KCNT2: variants seen among roughly 807,000 people sequenced by gnomAD.
The protein encoded by KCNT2 is potassium channel subfamily T member 2.
KCNT2 carries 67 observed loss-of-function variants against 153.8 expected under a neutral mutation model. The observed-to-expected ratio is 0.44, with a 90% CI of 0.36 to 0.53. The LOEUF (loss-of-function observed/expected upper bound fraction) is 0.53. Among genes scored for constraint, KCNT2 ranks in the 20% least tolerant of loss-of-function variants. The pLI is 0.00. For missense variants in KCNT2, 975 were observed against 1,354.8 expected, an observed-to-expected ratio of 0.72 and a Z score of 4.40; for synonymous variants, 500 against 458.8, an observed-to-expected ratio of 1.09 and a Z score of -1.15.
intron 17 of KCNT2, among the ~76,000 whole-genome samples, chr1:196,331,571 A>G (rs1178642033): frequency 1.3e-5 from 2 of 152,082 alleles, no homozygotes; most frequent in African/African-American, 4.8e-5. Flanking sequence ...AAGCTTTATT[A>G]TAATTCAGCC....
At chr1:196,525,444 C>T (rs1654046142) in intron 1 of KCNT2, among the ~76,000 whole-genome samples, 1 of 152,092 alleles carries the variant, frequency 6.6e-6, no homozygotes, top group Non-Finnish European at 1.5e-5. Context: ...TTACTAAGTG[C>T]AAGAAGGCTG....
At chr1:196,605,821 G>A (rs578101037) in intron 1 of KCNT2, among the ~76,000 whole-genome samples, 4 of 152,268 alleles carry the variant, frequency 2.6e-5, no homozygotes, top group South Asian at 2.1e-4. Flanking sequence ...CAAATCAGAA[G>A]TGAAGAAGGG....
At chr1:196,313,470 C>T (rs1662392137) in intron 21 of KCNT2, among the ~76,000 whole-genome samples, 1 of 151,410 alleles carries the variant, frequency 6.6e-6, no homozygotes, top group South Asian at 2.1e-4. Context: ...ACTAAAATCT[C>T]CAAGGAATGC....
Position 196,326,840 on chromosome 1 carries a change from T to G in KCNT2, c.2153A>C (p.Asn718Thr). ...YEDAKAYGFK[N>T]KLIIVAAETA... ...TTCAGCTGCAACTATAATTAGTTTA[T>G]TTTTGAATCCATAGGCTTTTGCATC... Residue 718 changes from asparagine to threonine, a missense_variant, in exon 19 of 28, where the codon AAT (asparagine) becomes ACT (threonine). Physicochemically the swap from Asn to Thr is moderately conservative, Grantham distance 65. Coordinates refer to ENST00000294725, the MANE Select transcript of KCNT2 (RefSeq NM_198503.5). 6.3e-7 allele frequency: 1 copy of G among 1,587,784 alleles called. No homozygotes were observed. Among genetic ancestry groups the G allele is most frequent in the Non-Finnish European group, 8.5e-7 (1 of 1,171,200 alleles).
chr1:196,295,728 C>A lies in KCNT2; in HGVS notation c.2595+9506G>T, dbSNP rs910341666. Among the ~76,000 whole-genome samples, 7 of 151,912 alleles carry A rather than the reference C, an allele frequency of 4.6e-5. No individual in the cohort carries two copies. The South Asian group carries it at 1.5e-3, about 32-fold the overall frequency. On this transcript the variant is annotated intron_variant, in intron 22 of 27. Coordinates refer to ENST00000294725, the MANE Select transcript of KCNT2 (RefSeq NM_198503.5). ...TTTATTGAGCATACAAACCATCATT[C>A]AAGATATTAGTTTTAAGTTAGGAAG...
chr1:196,598,344 TA>T (rs1223749077), intron 1 of KCNT2, among the ~76,000 whole-genome samples: 1 of 152,172 alleles, frequency 6.6e-6, no homozygotes, highest in Non-Finnish European at 1.5e-5. Flanking sequence ...AATCAATCAA[TA>T]ATAATCTATA....
intron 1 of KCNT2, among the ~76,000 whole-genome samples, chr1:196,506,459 A>G (rs1360510116): frequency 1.3e-5 from 2 of 152,192 alleles, no homozygotes; most frequent in East Asian, 3.9e-4. Flanking sequence ...ATATAATACA[A>G]TAAAGAACTT....
chr1:196,399,095 GTA>G (rs1487121283), intron 12 of KCNT2, among the ~76,000 whole-genome samples: 4 of 94,230 alleles, frequency 4.2e-5, no homozygotes, highest in Non-Finnish European at 5.1e-5. Flanking sequence ...TGACCTGTGT[GTA>G]TGTGTGTGTG....
At chr1:196,521,008 G>C (rs1351527023) in intron 1 of KCNT2, among the ~76,000 whole-genome samples, 1 of 152,102 alleles carries the variant, frequency 6.6e-6, no homozygotes, top group African/African-American at 2.4e-5. Context: ...AGAGTAAACA[G>C]ACATTCTACA....
At chr1:196,579,693 A>C (rs182327161) in intron 1 of KCNT2, among the ~76,000 whole-genome samples, 1 of 152,104 alleles carries the variant, frequency 6.6e-6, no homozygotes, top group East Asian at 1.9e-4. Flanking sequence ...GGGTTTCAAC[A>C]TGTTGGCCAG....
Position 196,479,165 on chromosome 1 carries a change from TTAAAA to T in KCNT2, c.384+9_384+13del, listed in dbSNP as rs768823574. The T allele has an allele frequency of 8.9e-6, 13 of 1,466,828 alleles. No homozygotes were observed. The highest frequency in any genetic ancestry group is 9.5e-6 in the Non-Finnish European group (10 of 1,050,374). 90.9% of individuals were successfully genotyped at this position (1,466,828 alleles called of 1,614,324 possible). ...TGTTCTATCAGCGGGAAACTGCTAA[TTAAAA>T]TAACTTACCTTATAACTAAGATAAC... On this transcript the variant is annotated intron_variant, in intron 5 of 27. Coordinates refer to ENST00000294725, the MANE Select transcript of KCNT2 (RefSeq NM_198503.5).
chr1:196,536,105 C>A (rs995598503), intron 1 of KCNT2, among the ~76,000 whole-genome samples: 4 of 152,202 alleles, frequency 2.6e-5, no homozygotes, highest in Non-Finnish European at 5.9e-5. Flanking sequence ...TGGCAGGCAA[C>A]CACTCCACAT....
intron 8 of KCNT2, among the ~76,000 whole-genome samples, chr1:196,435,808 C>CA (rs1415355315): frequency 1.3e-5 from 2 of 151,596 alleles, no homozygotes; most frequent in Admixed American, 1.3e-4. Flanking sequence ...ATCTGGACTC[C>CA]ATTGTCACTT....
chr1:196,366,988 C>A lies in KCNT2; in HGVS notation c.1403+6152G>T, dbSNP rs181183233. Among the ~76,000 whole-genome samples the A allele has an allele frequency of 2.9e-3, 444 of 152,162 alleles. 1 individual carries two copies. Among genetic ancestry groups the A allele is most frequent in the African/African-American group, 9.8e-3 (406 of 41,534 alleles). ...TGGGTTTGGCAGTTAATGAGTCAAC[C>A]ATTTCTGTCTGCCAAAACCAGTGTT... On this transcript the variant is annotated intron_variant, in intron 14 of 27. Coordinates refer to ENST00000294725, the MANE Select transcript of KCNT2 (RefSeq NM_198503.5).
At chr1:196,324,423 T>C (rs1663642581) in intron 19 of KCNT2, among the ~76,000 whole-genome samples, 2 of 152,020 alleles carry the variant, frequency 1.3e-5, no homozygotes, top group Admixed American at 6.6e-5. Flanking sequence ...TCTTTGTGTC[T>C]CTTTTACATC....
chr1:196,538,160 G>A (rs972028661), intron 1 of KCNT2, among the ~76,000 whole-genome samples: 4 of 152,066 alleles, frequency 2.6e-5, no homozygotes, highest in South Asian at 4.2e-4. Flanking sequence ...ATTCCTTCTC[G>A]GTGTTCTGTG....
chr1:196,418,679 C>T (rs12069990), intron 12 of KCNT2, among the ~76,000 whole-genome samples: 41,163 of 151,956 alleles, frequency 0.27, 5,988 homozygotes, highest in East Asian at 0.34. Flanking sequence ...ATCTTATTCT[C>T]CTCTTACAAG....
intron 22 of KCNT2, among the ~76,000 whole-genome samples, chr1:196,292,602 C>T (rs1048692602): frequency 6.6e-6 from 1 of 151,894 alleles, no homozygotes; most frequent in Admixed American, 6.6e-5. Flanking sequence ...GTCAGGAGAT[C>T]GAGACCATCC....
intron 21 of KCNT2, among the ~76,000 whole-genome samples, chr1:196,314,783 TC>T (rs1315505851): frequency 6.6e-6 from 1 of 151,656 alleles, no homozygotes; most frequent in Non-Finnish European, 1.5e-5. Context: ...TGCTGTATAG[TC>T]CAAGGTCAGT....
Sources: gnomAD v4.1 joint callset for allele counts (sites outside exome capture counted in the v4.1 genomes callset) on GRCh38, gnomAD v4.1.1 for gene constraint, MANE v1.5 for transcripts, NCBI Gene and HGNC (gene_info 2026-07-23, HGNC 2026-07-21) for gene names.